The following LRP6 variants were observed in gnomAD, a reference collection of about 807,000 sequenced individuals.
LRP6 encodes LDL receptor related protein 6.
In LRP6, 43 loss-of-function variants were observed where a neutral mutation model predicts 184.1. The ratio of observed to expected loss-of-function variants is 0.23; its 90% CI spans 0.18 to 0.30. LRP6 has a LOEUF of 0.30. Among genes scored for constraint, LRP6 ranks in the 10% least tolerant of loss-of-function variants. The probability of loss-of-function intolerance (pLI) is 1.00; values close to 1 mark genes in which losing one functional copy is unlikely to be tolerated. For missense variants in LRP6, 1,571 were observed against 2,005.3 expected (o/e 0.78, Z 4.14); for synonymous variants, 719 against 684.9 (o/e 1.05, Z -0.78).
chr12:12,124,305 G>A (rs536024933), intron 22 of LRP6, among the ~76,000 whole-genome samples: 4 of 152,166 alleles, frequency 2.6e-5, no homozygotes, highest in Admixed American at 1.3e-4. Flanking sequence ...CCTGGGAGGC[G>A]GAGGTTGCAG....
intron 1 of LRP6, among the ~76,000 whole-genome samples, chr12:12,261,053 A>G (rs1865601760): frequency 6.6e-6 from 1 of 152,230 alleles, no homozygotes; most frequent in South Asian, 2.1e-4. Flanking sequence ...CAGCCAAAGC[A>G]TATATAAGGA....
At chr12:12,184,545 G>A (rs1369063015) in intron 4 of LRP6, among the ~76,000 whole-genome samples, 1 of 152,192 alleles carries the variant, frequency 6.6e-6, no homozygotes, top group Non-Finnish European at 1.5e-5. Flanking sequence ...TTCAAGGATA[G>A]GAAGGATAGA....
chr12:12,143,421 A>C (rs553071273), intron 15 of LRP6, among the ~76,000 whole-genome samples: 1 of 152,314 alleles, frequency 6.6e-6, no homozygotes, highest in South Asian at 2.1e-4. Context: ...CTGATTCTAC[A>C]ATGTACATGG....
rs1864699105 is a variant in LRP6, at chr12:12,228,833, CAA to C, written c.449+15427_449+15428del. 2.6e-5 allele frequency among the ~76,000 whole-genome samples: 4 copies of C among 152,132 alleles called. No homozygotes were observed. The South Asian group carries it at 8.3e-4, about 32-fold the overall frequency. ...CTTCCACAGAACCAGTCCCTGGTGCCAAAAAGTTTAGGGACCACTGCTCTAGG... is the reference window on the plus strand; with the variant it reads ...CTTCCACAGAACCAGTCCCTGGTGCCAAAGTTTAGGGACCACTGCTCTAGG... On this transcript the variant is annotated intron_variant, in intron 2 of 22. Transcript: ENST00000261349.
rs1447307176 is a variant in LRP6 at position 12,147,407 on chromosome 12, G to A, written c.3356C>T (p.Ala1119Val). The A allele has an allele frequency of 6.2e-7, 1 of 1,614,150 alleles. No homozygotes were observed. The highest frequency in any genetic ancestry group is 2.2e-5 in the East Asian group (1 of 44,868). ...TTCAATTCGCCGGAGATCTGAATCA[G>A]CCCAAAAGAGCTTGCCCAGCCTGCT... is the stretch of plus-strand genomic sequence containing the variant. ...LDSRLGKLFWADSDLRRIESS... is the reference protein window; with the variant it reads ...LDSRLGKLFWVDSDLRRIESS... The change falls in exon 15 of 23, where the codon GCT (alanine) becomes GTT (valine). Residue 1119 changes from alanine to valine, a missense_variant. By Grantham distance (64) the Ala-to-Val change is moderately conservative. Transcript: ENST00000261349.
intron 16 of LRP6, among the ~76,000 whole-genome samples, chr12:12,137,918 T>C (rs1949866929): frequency 6.6e-6 from 1 of 152,054 alleles, no homozygotes; most frequent in African/African-American, 2.4e-5. Flanking sequence ...ATCCCAGCAC[T>C]TTGGGAGGCC....
chr12:12,244,471 A>C lies in LRP6; in HGVS notation c.240T>G (p.Phe80Leu), dbSNP rs777629979. The C allele has an allele frequency of 1.9e-6, 3 of 1,614,228 alleles. No homozygotes were observed. The highest frequency in any genetic ancestry group is 2.2e-5 in the South Asian group (2 of 91,090). Reference protein sequence around the residue: ...VSEEAIKRTEFNKTESVQNVV... With the variant: ...VSEEAIKRTELNKTESVQNVV... ...CATTCTGCACACTCTCAGTTTTGTT[A>C]AATTCTGTTCGTTTAATGGCTTCTT... is the stretch of plus-strand genomic sequence containing the variant. Residue 80 changes from phenylalanine to leucine, a missense_variant, in exon 2 of 23, where the codon TTT becomes TTG. Around this residue, in one of 4 missense-constraint regions of LRP6, gnomAD observed 640 missense variants for 851.9 expected, o/e 0.75. Transcript: ENST00000261349.
intron 3 of LRP6, among the ~76,000 whole-genome samples, chr12:12,192,110 A>C (rs1196433408): frequency 6.6e-6 from 1 of 152,110 alleles, no homozygotes; most frequent in Non-Finnish European, 1.5e-5. Flanking sequence ...TGTGTTAGAT[A>C]TAATAGAAAT....
intron 1 of LRP6, among the ~76,000 whole-genome samples, chr12:12,258,896 G>C (rs989028582): frequency 6.6e-6 from 1 of 152,096 alleles, no homozygotes; most frequent in Non-Finnish European, 1.5e-5. Flanking sequence ...AGAGAAAATA[G>C]CCTCCTGGTT....
chr12:12,175,236 A>G (rs143346078), intron 7 of LRP6, among the ~76,000 whole-genome samples: 1,538 of 152,174 alleles, frequency 0.01, 11 homozygotes, highest in Non-Finnish European at 0.016. Flanking sequence ...TAAAAATACA[A>G]AACTTAGCTA....
intron 15 of LRP6, among the ~76,000 whole-genome samples, chr12:12,143,748 A>G (rs540045434): frequency 6.6e-6 from 1 of 152,358 alleles, no homozygotes; most frequent in Admixed American, 6.5e-5. Flanking sequence ...ACAGATCCCA[A>G]TAAGAAAAGT....
intron 1 of LRP6, among the ~76,000 whole-genome samples, chr12:12,248,769 T>C (rs1865252951): frequency 6.6e-6 from 1 of 152,128 alleles, no homozygotes; most frequent in African/African-American, 2.4e-5. Context: ...CTTGAGCCAC[T>C]GCGCCCAGCC....
rs756704663 is a variant in LRP6, at chr12:12,207,786, A to C, written c.450-4386T>G. Among the ~76,000 whole-genome samples the C allele has an allele frequency of 1.9e-4, 29 of 152,268 alleles. 1 individual carries two copies. The South Asian group carries it at 3.7e-3, about 20-fold the overall frequency. Reference sequence around the variant, plus strand: ...TGGCTGAACATGGGTCAAATTTGAAATTGCCTAAAATTTTAAGACATTCTC... The same window carrying C: ...TGGCTGAACATGGGTCAAATTTGAACTTGCCTAAAATTTTAAGACATTCTC... On this transcript the variant is annotated intron_variant, in intron 2 of 22. Transcript: ENST00000261349.
rs748642082 is a variant in LRP6 at position 12,249,362 on chromosome 12, C to T, written c.56-4707G>A. 2.4e-5 allele frequency: 25 copies of T among 1,057,828 alleles called. 1 individual carries two copies. The highest frequency in any genetic ancestry group is 6.8e-5 in the Admixed American group (4 of 58,962). The allele number at this position is 1,057,828 out of a possible 1,614,324, so 65.5% of individuals were successfully genotyped here. Reference sequence around the variant, plus strand: ...CAAAGTTGTCCTGCAAGAGCTTTGGCGCCTAATGGTGTCTAAAGAAAATAT... The same window carrying T: ...CAAAGTTGTCCTGCAAGAGCTTTGGTGCCTAATGGTGTCTAAAGAAAATAT... On this transcript the variant is annotated intron_variant, in intron 1 of 22. Transcript: ENST00000261349.
chr12:12,196,109 G>A (rs1156494834), intron 3 of LRP6, among the ~76,000 whole-genome samples: 1 of 152,016 alleles, frequency 6.6e-6, no homozygotes, highest in East Asian at 1.9e-4. Context: ...GGTATATTTT[G>A]AAGTCTGTTA....
chr12:12,225,199 C>A (rs189932785), intron 2 of LRP6, among the ~76,000 whole-genome samples: 1 of 151,994 alleles, frequency 6.6e-6, no homozygotes, highest in Non-Finnish European at 1.5e-5. Context: ...GGCGACAAAG[C>A]GAGACTCCAC....
chr12:12,143,407 C>A (rs188521482), intron 15 of LRP6, among the ~76,000 whole-genome samples: 2 of 152,182 alleles, frequency 1.3e-5, no homozygotes, highest in African/African-American at 2.4e-5. Context: ...GGGAAACTCA[C>A]AAGCTGATTC....
intron 2 of LRP6, among the ~76,000 whole-genome samples, chr12:12,228,770 C>T (rs761683334): frequency 4.6e-5 from 7 of 152,196 alleles, no homozygotes; most frequent in Non-Finnish European, 1.0e-4. Context: ...AACCATCCCA[C>T]CCACCCCGCT....
At chr12:12,249,017 A>T (rs750104462) in intron 1 of LRP6, 2 of 623,036 alleles carry the variant, frequency 3.2e-6, no homozygotes, top group Middle Eastern at 4.6e-4. Context: ...CTCGGGGGTA[A>T]AAGTCCCTTG....
Sources: gnomAD v4.1 joint callset for allele counts (sites outside exome capture counted in the v4.1 genomes callset) on GRCh38, gnomAD v4.1.1 for gene constraint, gnomAD v4.1.1 regional missense constraint, MANE v1.5 for transcripts, NCBI Gene and HGNC (gene_info 2026-07-23, HGNC 2026-07-21) for gene names.